PTDSS2: variants seen among roughly 807,000 people sequenced by gnomAD.
The protein encoded by PTDSS2 is phosphatidylserine synthase 2, also known as PSS-2.
A neutral mutation model predicts 64.7 loss-of-function variants in PTDSS2; 41 were observed. That is an observed-to-expected ratio of 0.63 (90% CI 0.49 to 0.82). PTDSS2 has a LOEUF of 0.82. Among genes scored for constraint, PTDSS2 ranks in the 40% least tolerant of loss-of-function variants. PTDSS2 has a pLI of 0.00. For missense variants in PTDSS2, 485 were observed against 650.0 expected, an observed-to-expected ratio of 0.75 and a Z score of 2.76; for synonymous variants, 297 against 277.8, an observed-to-expected ratio of 1.07 and a Z score of -0.69.
In PTDSS2 at chr11:485,298, GCTCA is replaced by G. The variant is rs562874827; in HGVS notation, c.436-1638_436-1635del. 3.2e-4 allele frequency among the ~76,000 whole-genome samples: 45 copies of G among 138,692 alleles called. No individual in the cohort carries two copies. The South Asian group carries it at 3.9e-3, about 12-fold the overall frequency. 91.0% of individuals were successfully genotyped at this position (138,692 alleles called of 152,430 possible). On this transcript the variant is annotated intron_variant, in intron 4 of 11. Coordinates refer to ENST00000308020, the MANE Select transcript of PTDSS2 (RefSeq NM_030783.3). ...TTAAACAGTGCACGGGCGCGTGTGT[GCTCA>G]CTGTGTGCGCAGGCGAGTGTAAGTG...
chr11:488,821 C>T (rs1239537065), intron 8 of PTDSS2, among the ~76,000 whole-genome samples, 174 bp downstream of exon 8: 2 of 152,204 alleles, frequency 1.3e-5, no homozygotes, highest in South Asian at 2.1e-4. Flanking sequence ...CACTCAAGCC[C>T]GGCCGCCCCT....
chr11:474,003 T>C, intron 3 of PTDSS2, 26 bp downstream of exon 3: 1 of 1,572,396 alleles, frequency 6.4e-7, no homozygotes, highest in African/African-American at 1.3e-5. Flanking sequence ...CTTTTCCGTG[T>C]GCCCCTGTGG....
At chr11:475,762 CTGCT>C (rs1485513079) in intron 3 of PTDSS2, among the ~76,000 whole-genome samples, 1 of 152,210 alleles carries the variant, frequency 6.6e-6, no homozygotes, top group Non-Finnish European at 1.5e-5. Context: ...ATTTTAATGA[CTGCT>C]TGTTTGCTGT....
intron 2 of PTDSS2, among the ~76,000 whole-genome samples, chr11:468,280 TGTG>T (rs1403016250): frequency 3.3e-5 from 5 of 152,152 alleles, no homozygotes; most frequent in Non-Finnish European, 5.9e-5. Flanking sequence ...GGCAATATGA[TGTG>T]GTAGTGAAAA....
intron 4 of PTDSS2, among the ~76,000 whole-genome samples, chr11:482,832 T>C (rs1848132030): frequency 6.9e-6 from 1 of 145,806 alleles, no homozygotes; most frequent in South Asian, 2.2e-4. Flanking sequence ...TTCGTAGATC[T>C]CCCTACCGAG....
intron 2 of PTDSS2, among the ~76,000 whole-genome samples, chr11:466,080 A>C (rs1847126801): frequency 6.6e-6 from 1 of 152,234 alleles, no homozygotes; most frequent in African/African-American, 2.4e-5. Flanking sequence ...AAGCTCAAGA[A>C]GAAGAAAAAC....
At chr11:449,942 C>T (rs145378897), upstream of PTDSS2, among the ~76,000 whole-genome samples, 4 of 152,218 alleles carry the variant, frequency 2.6e-5, no homozygotes, top group African/African-American at 9.6e-5. Flanking sequence ...TGCGAGACTC[C>T]GTCTCAAAAA....
At chr11:488,677 C>T (rs749156811) in intron 8 of PTDSS2, 30 bp downstream of exon 8, 15 of 1,318,954 alleles carry the variant, frequency 1.1e-5, no homozygotes, top group African/African-American at 4.3e-5. Flanking sequence ...AGGGCAGGGC[C>T]GGGTGGGGGT....
intron 1 of PTDSS2, among the ~76,000 whole-genome samples, chr11:453,008 G>A (rs1239014898): frequency 6.6e-6 from 1 of 152,116 alleles, no homozygotes; most frequent in African/African-American, 2.4e-5. Flanking sequence ...TGAGATTACA[G>A]GCATGCACCA....
chr11:490,203 C>T (rs746404593), intron 11 of PTDSS2, 135 bp downstream of exon 11: 63 of 1,172,284 alleles, frequency 5.4e-5, no homozygotes, highest in East Asian at 1.5e-4. Flanking sequence ...CTGCGGGAGG[C>T]GCCTTTCCTG....
rs375251327 is a variant in PTDSS2, at chr11:460,006, G to A, written c.183-181G>A. ...GGCTGGTCTCAGCCCTGACTGGCCA[G>A]CAGACGCAGGGTCATCTCGGAGTTA... On this transcript the variant is annotated intron_variant, in intron 1 of 11. Coordinates refer to ENST00000308020, the MANE Select transcript of PTDSS2 (RefSeq NM_030783.3). The surrounding 1 kb of genome is among the most constrained non-coding windows in gnomAD (Gnocchi z 5.8). The A allele has an allele frequency of 8.5e-6, 5 of 591,142 alleles. No individual in the cohort carries two copies. The East Asian group carries it at 8.7e-5, about 10-fold the overall frequency. The allele number at this position is 591,142 out of a possible 1,614,324, so 36.6% of individuals were successfully genotyped here. A position where few individuals can be genotyped will look rare whatever the true frequency, so the allele number is the denominator to read the frequency against.
chr11:466,827 A>G (rs1454193843), intron 2 of PTDSS2, among the ~76,000 whole-genome samples: 5 of 152,132 alleles, frequency 3.3e-5, no homozygotes, highest in Non-Finnish European at 7.4e-5. Context: ...GGGGATTACA[A>G]TTCAAGATGA....
intron 1 of PTDSS2, 87 bp downstream of exon 1, chr11:450,724 C>T: frequency 8.9e-7 from 1 of 1,120,920 alleles, no homozygotes. Context: ...CCCGGCAGCG[C>T]CCTCTCGCCG....
At position 479,413 on chromosome 11, in the gene PTDSS2, G is replaced by A. The variant is rs138871962; in HGVS notation, c.435+261G>A. 1.2e-3 allele frequency: 707 copies of A among 565,996 alleles called. 2 individuals carry two copies. The highest frequency in any genetic ancestry group is 0.01 in the Middle Eastern group (21 of 2,046). 35.1% of individuals were successfully genotyped at this position (565,996 alleles called of 1,614,324 possible). A position where few individuals can be genotyped will look rare whatever the true frequency, so the allele number is the denominator to read the frequency against. ...CAGGAGCATCTGCTGGTGGGGCGCT[G>A]ACTGTGGCCATTTAGCAGGGCCACA... On this transcript the variant is annotated intron_variant, in intron 4 of 11. Coordinates refer to ENST00000308020, the MANE Select transcript of PTDSS2 (RefSeq NM_030783.3). This position sits in a 1 kb window ranked among gnomAD's most constrained non-coding sequence, Gnocchi z 4.2.
At chr11:458,426 C>T (rs1421402793) in intron 1 of PTDSS2, among the ~76,000 whole-genome samples, 2 of 150,636 alleles carry the variant, frequency 1.3e-5, no homozygotes, top group African/African-American at 4.9e-5. Context: ...AGGATGGTCT[C>T]GATCTCCTGA....
chr11:475,537 C>CATTCACGCGTTTGTGTGTAGGACAT, intron 3 of PTDSS2, among the ~76,000 whole-genome samples: 1 of 146,070 alleles, frequency 6.8e-6, no homozygotes, highest in Non-Finnish European at 1.5e-5. Context: ...GTGATACGGA[C>CATTCACGCGTTTGTGTGTAGGACAT]ATTCACGCGT....
intron 1 of PTDSS2, 46 bp downstream of exon 1, chr11:450,683 T>A (rs372615553): frequency 0.011 from 13,530 of 1,236,870 alleles, 88 homozygotes; most frequent in Non-Finnish European, 0.012. Context: ...GCCCTCGACC[T>A]GGGGGTTCCG....
At chr11:475,975 T>C (rs1564980875) in intron 3 of PTDSS2, among the ~76,000 whole-genome samples, 2 of 152,240 alleles carry the variant, frequency 1.3e-5, no homozygotes. Context: ...AAGCCTGTGA[T>C]ATGTGTTATA....
In PTDSS2 at chr11:479,480, C is replaced by T. The variant is rs75347310; in HGVS notation, c.435+328C>T. ...CCAGTGGTGCAGGCACAGAAGAGGGCAGGGCCAGTGGTGCAGCTGCCAGGG... is the reference window on the plus strand; with the variant it reads ...CCAGTGGTGCAGGCACAGAAGAGGGTAGGGCCAGTGGTGCAGCTGCCAGGG... On this transcript the variant is annotated intron_variant, in intron 4 of 11. Transcript: ENST00000308020. This position sits in a 1 kb window ranked among gnomAD's most constrained non-coding sequence, Gnocchi z 4.2. The T allele has an allele frequency of 3.9e-4, 161 of 415,568 alleles. 1 individual carries two copies. In the East Asian group the frequency reaches 7.8e-3, roughly 20 times the overall value. 25.7% of individuals were successfully genotyped at this position (415,568 alleles called of 1,614,324 possible).
Sources: allele counts gnomAD v4.1 joint callset (sites outside exome capture counted in the v4.1 genomes callset), GRCh38; gene constraint gnomAD v4.1.1; non-coding constraint Gnocchi (gnomAD v3.1); transcripts MANE v1.5; gene names NCBI Gene and HGNC (gene_info 2026-07-23, HGNC 2026-07-21).